Variants in CTNNA3 observed in about 807,000 individuals in gnomAD.
CTNNA3 encodes catenin alpha-3.
CTNNA3 carries 76 observed loss-of-function variants against 95.7 expected under a neutral mutation model. The observed-to-expected ratio is 0.79, with a 90% CI of 0.66 to 0.96. The LOEUF is 0.96. Among genes scored for constraint, CTNNA3 ranks in the 40% least tolerant of loss-of-function variants. The pLI is 0.00. For missense variants in CTNNA3, 1,191 were observed against 1,089.8 expected (o/e 1.09, Z -1.31); for synonymous variants, 431 against 374.4 (o/e 1.15, Z -1.74).
chr10:66,702,813 C>T (rs1198934337), intron 9 of CTNNA3, among the ~76,000 whole-genome samples: 2 of 150,390 alleles, frequency 1.3e-5, no homozygotes, highest in Non-Finnish European at 3.0e-5. Context: ...TATAAACTGA[C>T]ATGATTTCTT....
chr10:67,562,687 G>A (rs1481666830), intron 3 of CTNNA3, among the ~76,000 whole-genome samples: 1 of 152,168 alleles, frequency 6.6e-6, no homozygotes, highest in African/African-American at 2.4e-5. Context: ...TAGGAAAAGA[G>A]GAAGTCAAAC....
At chr10:66,123,290 G>T (rs2082665826) in intron 13 of CTNNA3, among the ~76,000 whole-genome samples, 1 of 152,110 alleles carries the variant, frequency 6.6e-6, no homozygotes, top group Non-Finnish European at 1.5e-5. Flanking sequence ...AAATCCAGCA[G>T]GGAAGTCAAA....
At chr10:65,944,516 T>C in intron 17 of CTNNA3, among the ~76,000 whole-genome samples, 1 of 152,236 alleles carries the variant, frequency 6.6e-6, no homozygotes, top group East Asian at 1.9e-4. Context: ...AATTACTGCA[T>C]GAACCATGGA....
At chr10:65,929,633 A>G (rs1440245420) in intron 17 of CTNNA3, among the ~76,000 whole-genome samples, 2 of 151,306 alleles carry the variant, frequency 1.3e-5, no homozygotes, top group Non-Finnish European at 2.9e-5. Context: ...CAGTGGCGCA[A>G]TCTCGGCTCA....
chr10:67,376,469 T>C (rs374806556), intron 5 of CTNNA3, among the ~76,000 whole-genome samples: 8 of 152,326 alleles, frequency 5.3e-5, no homozygotes, highest in African/African-American at 1.9e-4. Flanking sequence ...AAATAAGTCC[T>C]CATCAAACAG....
intron 5 of CTNNA3, among the ~76,000 whole-genome samples, chr10:67,285,102 A>T (rs1262222754): frequency 6.6e-6 from 1 of 152,210 alleles, no homozygotes; most frequent in Non-Finnish European, 1.5e-5. Context: ...ATGTATATAG[A>T]AAGTACACGT....
At chr10:67,577,663 CAT>C (rs1316744663) in intron 3 of CTNNA3, among the ~76,000 whole-genome samples, 7 of 150,756 alleles carry the variant, frequency 4.6e-5, no homozygotes, top group South Asian at 4.2e-4. Flanking sequence ...TATATACACA[CAT>C]ATGTGTGTGT....
intron 11 of CTNNA3, among the ~76,000 whole-genome samples, chr10:66,434,454 T>C (rs1278128321): frequency 1.3e-5 from 2 of 152,276 alleles, no homozygotes; most frequent in East Asian, 3.9e-4. Flanking sequence ...TTGTCTATTA[T>C]AGGTGTATAG....
At chr10:67,345,266 C>A (rs187396732) in intron 5 of CTNNA3, among the ~76,000 whole-genome samples, 1 of 152,224 alleles carries the variant, frequency 6.6e-6, no homozygotes, top group Admixed American at 6.5e-5. Context: ...AACACATGGT[C>A]TATCCTTGAG....
intron 3 of CTNNA3, among the ~76,000 whole-genome samples, chr10:67,595,474 T>G (rs1842910618): frequency 6.6e-6 from 1 of 152,226 alleles, no homozygotes; most frequent in African/African-American, 2.4e-5. Flanking sequence ...TTATTTCTAT[T>G]TTTATTGCAC....
intron 12 of CTNNA3, among the ~76,000 whole-genome samples, chr10:66,329,038 C>T (rs1482331977): frequency 6.7e-6 from 1 of 150,360 alleles, no homozygotes; most frequent in Admixed American, 6.7e-5. Flanking sequence ...GCAACCTCTG[C>T]CTCCGGAATT....
chr10:67,102,559 A>G (rs1167013844), intron 7 of CTNNA3, among the ~76,000 whole-genome samples: 1 of 151,818 alleles, frequency 6.6e-6, no homozygotes, highest in Non-Finnish European at 1.5e-5. Flanking sequence ...GACTTAGGCT[A>G]CTAAGTTTCT....
chr10:66,603,693 T>C (rs139579401), intron 10 of CTNNA3, among the ~76,000 whole-genome samples: 215 of 152,200 alleles, frequency 1.4e-3, no homozygotes, highest in African/African-American at 4.8e-3. Context: ...TACAAAGCTA[T>C]AGTAACTAAA....
At chr10:66,456,561 A>G (rs1359574390) in intron 11 of CTNNA3, among the ~76,000 whole-genome samples, 1 of 152,104 alleles carries the variant, frequency 6.6e-6, no homozygotes, top group African/African-American at 2.4e-5. Context: ...CTGTAATCCC[A>G]GCTACTCAGG....
At position 66,280,581 on chromosome 10, in the gene CTNNA3, T is replaced by C; in HGVS notation, c.1773A>G (p.Glu591=). Residue 591 remains glutamate (E), a synonymous_variant, in exon 13 of 18, where the codon GAA becomes GAG. Coordinates refer to ENST00000433211, the MANE Select transcript of CTNNA3 (RefSeq NM_013266.4). ...EFVTQVNVAL[E]ALSKSSLNVL... ...CATTCAATGAGCTTTTGCTTAAGGC[T>C]TCCAAGGCAACATTCACTTGTGTTA... 1 of 1,608,680 alleles carries C rather than the reference T, an allele frequency of 6.2e-7. No individual in the cohort carries two copies. Among genetic ancestry groups the C allele is most frequent in the Non-Finnish European group, 8.5e-7 (1 of 1,177,658 alleles).
At chr10:66,262,163 T>C (rs931563745) in intron 13 of CTNNA3, among the ~76,000 whole-genome samples, 1 of 151,976 alleles carries the variant, frequency 6.6e-6, no homozygotes, top group African/African-American at 2.4e-5. Flanking sequence ...ATTAATTAGC[T>C]ACGTGGATAT....
chr10:66,229,696 A>C (rs749648384), intron 13 of CTNNA3, among the ~76,000 whole-genome samples: 25 of 151,714 alleles, frequency 1.6e-4, no homozygotes, highest in Non-Finnish European at 3.1e-4. Flanking sequence ...TTTGCCTCAG[A>C]GGGCACCTGT....
chr10:67,704,472 A>G (rs916136065), intron 1 of CTNNA3, among the ~76,000 whole-genome samples: 4 of 152,182 alleles, frequency 2.6e-5, no homozygotes, highest in African/African-American at 4.8e-5. Context: ...AAATAACGCC[A>G]CATATCTACA....
chr10:66,182,825 G>T (rs1402005227), intron 13 of CTNNA3, among the ~76,000 whole-genome samples: 2 of 152,074 alleles, frequency 1.3e-5, no homozygotes, highest in Admixed American at 1.3e-4. Context: ...TGAAACCATG[G>T]TCTATAATAA....
Sources: gnomAD v4.1 joint callset for allele counts (sites outside exome capture counted in the v4.1 genomes callset) on GRCh38, gnomAD v4.1.1 for gene constraint, MANE v1.5 for transcripts, NCBI Gene and HGNC (gene_info 2026-07-23, HGNC 2026-07-21) for gene names.